The following PCM1 variants were observed in gnomAD, a reference collection of about 807,000 sequenced individuals.
PCM1 encodes the protein pericentriolar material 1 protein.
PCM1 carries 157 observed loss-of-function variants against 241.9 expected under a neutral mutation model. That is an observed-to-expected ratio of 0.65 (90% confidence interval 0.57 to 0.74). The LOEUF is 0.74. Among genes scored for constraint, PCM1 ranks in the 30% least tolerant of loss-of-function variants. The pLI is 0.00. For synonymous variants in PCM1, 1,085 were observed against 784.9 expected, an observed-to-expected ratio of 1.38 and a Z score of -6.39; for missense variants, 3,478 against 2,360.1, an observed-to-expected ratio of 1.47 and a Z score of -9.81.
intron 22 of PCM1, among the ~76,000 whole-genome samples, chr8:17,972,072 T>G (rs1403750981): frequency 1.3e-5 from 2 of 152,218 alleles, no homozygotes; most frequent in Admixed American, 6.5e-5. Context: ...TGTTTTCCAT[T>G]GCTAATGCTA....
At position 17,966,359 on chromosome 8, in the gene PCM1, C is replaced by T. The variant is rs769856435; in HGVS notation, c.3107C>T (p.Thr1036Met). ...TCTTGTCTGCTACAAACTCTTCTCACGGGTCCTTACAGTGTTATGCCCAGC... is the reference window on the plus strand; with the variant it reads ...TCTTGTCTGCTACAAACTCTTCTCATGGGTCCTTACAGTGTTATGCCCAGC... ...TLSCLLQTLLTGPYSVMPSNV... is the reference protein window; with the variant it reads ...TLSCLLQTLLMGPYSVMPSNV... Residue 1036 changes from threonine to methionine, a missense_variant, in exon 20 of 39, where the codon ACG (threonine) becomes ATG (methionine). Coordinates refer to ENST00000325083, the MANE Select transcript of PCM1 (RefSeq NM_006197.4). The T allele has an allele frequency of 4.8e-5, 77 of 1,613,636 alleles. No homozygotes were observed. In the Middle Eastern group the frequency reaches 6.6e-4, roughly 14 times the overall value.
In PCM1 at chr8:17,960,057, A is replaced by G; in HGVS notation, c.2084A>G (p.Asn695Ser). The change falls in exon 14 of 39, where the codon AAT becomes AGT. Residue 695 changes from asparagine to serine, a missense_variant. Asn to Ser is a conservative substitution (Grantham distance 46, BLOSUM62 1). Transcript: ENST00000325083. ...GGAGTTATCTCTGCCAGTGCATCAAATTTGGATGATTTCTACCCAGCAGAA... is the reference window on the plus strand; with the variant it reads ...GGAGTTATCTCTGCCAGTGCATCAAGTTTGGATGATTTCTACCCAGCAGAA... ...AQGVISASASNLDDFYPAEED... is the reference protein window; with the variant it reads ...AQGVISASASSLDDFYPAEED... 2 of 1,612,678 alleles carry G rather than the reference A, an allele frequency of 1.2e-6. No individual in the cohort carries two copies. Among genetic ancestry groups the G allele is most frequent in the East Asian group, 4.5e-5 (2 of 44,822 alleles).
intron 22 of PCM1, among the ~76,000 whole-genome samples, chr8:17,971,419 T>C (rs140131996): frequency 1.4e-3 from 216 of 152,332 alleles, no homozygotes; most frequent in African/African-American, 4.9e-3. Context: ...TTGTGAGATA[T>C]TTTACAGACC....
intron 26 of PCM1, among the ~76,000 whole-genome samples, chr8:17,986,696 G>C (rs187407329): frequency 6.6e-6 from 1 of 151,724 alleles, no homozygotes; most frequent in Non-Finnish European, 1.5e-5. Flanking sequence ...AGTATATTGA[G>C]GAGATAATGT....
At chr8:17,992,510 G>A (rs1348819122) in intron 28 of PCM1, among the ~76,000 whole-genome samples, 3 of 151,206 alleles carry the variant, frequency 2.0e-5, no homozygotes, top group African/African-American at 7.3e-5. Flanking sequence ...AATTAGTGAT[G>A]TTAGAGCATT....
intron 2 of PCM1, among the ~76,000 whole-genome samples, chr8:17,930,321 T>G (rs977799067): frequency 4.6e-5 from 7 of 151,650 alleles, no homozygotes; most frequent in Admixed American, 2.0e-4. Flanking sequence ...GCCAGGATGG[T>G]CTCGATCTCC....
chr8:17,977,476 G>A (rs1190686585), intron 23 of PCM1, among the ~76,000 whole-genome samples: 1 of 152,106 alleles, frequency 6.6e-6, no homozygotes, highest in African/African-American at 2.4e-5. Flanking sequence ...AGACCTGTGC[G>A]GTGATCTGGA....
chr8:17,928,499 T>C, intron 2 of PCM1, among the ~76,000 whole-genome samples: 1 of 152,198 alleles, frequency 6.6e-6, no homozygotes, highest in Non-Finnish European at 1.5e-5. Context: ...GATGTTCTTC[T>C]TCCTCTCTAA....
intron 36 of PCM1, among the ~76,000 whole-genome samples, chr8:18,015,971 C>T (rs561809847): frequency 6.6e-6 from 1 of 152,248 alleles, no homozygotes; most frequent in Non-Finnish European, 1.5e-5. Flanking sequence ...TCACTGCAAC[C>T]TCTGCCTCCT....
chr8:18,011,244 ATGAAAC>A lies in PCM1; in HGVS notation c.5235_5240del (p.Glu1746_Thr1747del), dbSNP rs1288526799. Reference sequence around the variant, plus strand: ...AAATATTTTTGTGTCTAGGACAAGGATGAAACTGAAACAGTTAAGCAGACTCAAACA... The same window carrying A: ...AAATATTTTTGTGTCTAGGACAAGGATGAAACAGTTAAGCAGACTCAAACA... On this transcript the variant is annotated inframe_deletion, in exon 33 of 39. Transcript: ENST00000325083. The A allele has an allele frequency of 1.2e-6, 2 of 1,603,048 alleles. No homozygotes were observed. The highest frequency in any genetic ancestry group is 1.7e-6 in the Non-Finnish European group (2 of 1,174,556).
chr8:17,999,719 C>T (rs772582091), intron 29 of PCM1, among the ~76,000 whole-genome samples: 8 of 152,134 alleles, frequency 5.3e-5, no homozygotes, highest in Non-Finnish European at 1.0e-4. Context: ...CATGATTGCT[C>T]ACCTGGTTTT....
chr8:18,019,039 A>C (rs2093543553), intron 36 of PCM1, among the ~76,000 whole-genome samples: 1 of 151,666 alleles, frequency 6.6e-6, no homozygotes, highest in Admixed American at 6.6e-5. Flanking sequence ...GTGCCTACAG[A>C]TTCTAAATGG....
chr8:17,996,778 C>T (rs994741177), intron 29 of PCM1, among the ~76,000 whole-genome samples: 1 of 152,130 alleles, frequency 6.6e-6, no homozygotes, highest in African/African-American at 2.4e-5. Context: ...CATAAACAAA[C>T]AAGCAAACAA....
chr8:18,010,775 T>G (rs2129485409), intron 32 of PCM1, 107 bp downstream of exon 32: 2 of 700,664 alleles, frequency 2.9e-6, no homozygotes, highest in South Asian at 1.9e-5. Context: ...GAGGTCAAGA[T>G]TTCCAGACCA....
intron 4 of PCM1, 114 bp from the exon 5 acceptor site, chr8:17,938,626 T>G (rs779436868): frequency 1.4e-6 from 1 of 698,590 alleles, no homozygotes; most frequent in African/African-American, 1.8e-5. Context: ...GCAAAGCTCT[T>G]TGTGTGCACC....
At chr8:17,941,554 G>T (rs1353879154) in intron 6 of PCM1, among the ~76,000 whole-genome samples, 1 of 151,342 alleles carries the variant, frequency 6.6e-6, no homozygotes, top group Non-Finnish European at 1.5e-5. Flanking sequence ...AAAAAAGGTG[G>T]ACTGGTACTT....
chr8:18,010,713 T>A (rs1193366700), intron 32 of PCM1, 45 bp downstream of exon 32: 1 of 1,397,640 alleles, frequency 7.2e-7, no homozygotes, highest in African/African-American at 1.4e-5. Context: ...CTGGGCGCGG[T>A]GGCTCACCCC....
At chr8:17,990,469 T>G (rs967351846) in intron 27 of PCM1, among the ~76,000 whole-genome samples, 1 of 151,802 alleles carries the variant, frequency 6.6e-6, no homozygotes, top group Admixed American at 6.6e-5. Context: ...TTGGTTGTTT[T>G]TTTTTGTTTG....
chr8:18,025,665 G>A lies in PCM1; in HGVS notation c.6049+7G>A, dbSNP rs762650139. ...GAGACACTAAAAGAACCTGGTAAGA[G>A]TTATCAATTTAAATCTTGCCATATT... On this transcript the variant is annotated splice_region_variant and intron_variant, in intron 38 of 38. Transcript: ENST00000325083. 3.5e-6 allele frequency: 5 copies of A among 1,436,678 alleles called. No individual in the cohort carries two copies. Among genetic ancestry groups the A allele is most frequent in the Admixed American group, 2.0e-5 (1 of 49,820 alleles). 89.0% of individuals were successfully genotyped at this position (1,436,678 alleles called of 1,614,324 possible). A position where few individuals can be genotyped will look rare whatever the true frequency, so the allele number is the denominator to read the frequency against.
Sources: allele counts gnomAD v4.1 joint callset (sites outside exome capture counted in the v4.1 genomes callset), GRCh38; gene constraint gnomAD v4.1.1; transcripts MANE v1.5; gene names NCBI Gene and HGNC (gene_info 2026-07-23, HGNC 2026-07-21).